The following PTP4A2 variants were observed in gnomAD, a reference collection of about 807,000 sequenced individuals.
The protein encoded by PTP4A2 is protein tyrosine phosphatase type IVA 2.
A neutral mutation model predicts 22.9 loss-of-function variants in PTP4A2; 2 were observed. That is an observed-to-expected ratio of 0.09 (90% confidence interval 0.04 to 0.27). The LOEUF (loss-of-function observed/expected upper bound fraction) is 0.27. Among genes scored for constraint, PTP4A2 ranks in the 10% least tolerant of loss-of-function variants. The pLI is 1.00. For missense variants in PTP4A2, 103 were observed against 205.1 expected, an observed-to-expected ratio of 0.50 and a Z score of 3.04; for synonymous variants, 68 against 69.1, an observed-to-expected ratio of 0.98 and a Z score of 0.08.
chr1:31,922,482 A>C (rs768802182), intron 1 of PTP4A2, among the ~76,000 whole-genome samples: 3 of 150,984 alleles, frequency 2.0e-5, no homozygotes, highest in African/African-American at 7.3e-5. Flanking sequence ...AAACTCTGTC[A>C]AAAAAAAAAT....
chr1:31,916,076 T>G (rs904927645), intron 2 of PTP4A2, 89 bp from the exon 3 acceptor site: 30 of 848,860 alleles, frequency 3.5e-5, no homozygotes, highest in Admixed American at 8.8e-5. Context: ...CCGGGCGGGG[T>G]GGTTCACGCC....
rs543989343 is a variant in PTP4A2 at position 31,911,911 on chromosome 1, C to T, written c.190-85G>A. On this transcript the variant is annotated intron_variant, in intron 3 of 5. Transcript: ENST00000647444. ...ACAGAATACCTGCACACAGTACACA[C>T]GGCAGGCCTAACTGAACTAACTGCA... 1.7e-4 allele frequency: 175 copies of T among 1,023,108 alleles called. No homozygotes were observed. In the South Asian group the frequency reaches 3.0e-3, roughly 17 times the overall value. The allele number at this position is 1,023,108 out of a possible 1,614,324, so 63.4% of individuals were successfully genotyped here. A position where few individuals can be genotyped will look rare whatever the true frequency, so the allele number is the denominator to read the frequency against.
At position 31,908,110 on chromosome 1, in the gene PTP4A2, G is replaced by C. The variant is rs1651274156; in HGVS notation, c.*742C>G. ...ATCAGTAAAGACTAAAAACCACCTG[G>C]AAAATATATATATATATATATATAT... is the stretch of plus-strand genomic sequence containing the variant. On this transcript the variant is annotated 3_prime_UTR_variant, in exon 6 of 6. Coordinates refer to ENST00000647444, the MANE Select transcript of PTP4A2 (RefSeq NM_080391.4). 3.5e-5 allele frequency: 1 copy of C among 28,882 alleles called. No individual in the cohort carries two copies. Among genetic ancestry groups the C allele is most frequent in the Non-Finnish European group, 5.0e-5 (1 of 19,946 alleles). The allele number at this position is 28,882 out of a possible 1,614,324, so 1.8% of individuals were successfully genotyped here.
chr1:31,918,891 T>C, intron 2 of PTP4A2, 79 bp downstream of exon 2: 1 of 841,846 alleles, frequency 1.2e-6, no homozygotes, highest in Non-Finnish European at 2.0e-6. Context: ...ACAGAATAAA[T>C]GGCTTTGTGC....
chr1:31,909,072 G>C, intron 5 of PTP4A2, 112 bp from the exon 6 acceptor site: 1 of 765,460 alleles, frequency 1.3e-6, no homozygotes, highest in Non-Finnish European at 2.2e-6. Flanking sequence ...CTGAAAACCA[G>C]CATATTTCCC....
rs1236547091 is a variant in PTP4A2, at chr1:31,915,616, T to C, written c.189+279A>G. On this transcript the variant is annotated intron_variant, in intron 3 of 5. Transcript: ENST00000647444. ...ATGTGGTGGTGTGGCCACAGCTCAC[T>C]GCAGTCTCAACCACCTGGGCTCAAG... 3 of 217,486 alleles carry C rather than the reference T, an allele frequency of 1.4e-5. No homozygotes were observed. In the East Asian group the frequency reaches 2.7e-4, roughly 20 times the overall value. 13.5% of individuals were successfully genotyped at this position (217,486 alleles called of 1,614,324 possible). A position where few individuals can be genotyped will look rare whatever the true frequency, so the allele number is the denominator to read the frequency against.
intron 3 of PTP4A2, among the ~76,000 whole-genome samples, chr1:31,912,784 T>C (rs1360905599): frequency 6.6e-6 from 1 of 152,136 alleles, no homozygotes; most frequent in African/African-American, 2.4e-5. Context: ...TTTAAGATAT[T>C]AGGGGAGGAA....
At chr1:31,913,378 A>ATTTG (rs554503363) in intron 3 of PTP4A2, among the ~76,000 whole-genome samples, 31 of 152,160 alleles carry the variant, frequency 2.0e-4, no homozygotes, top group Middle Eastern at 3.4e-3. Context: ...CTATTTATTT[A>ATTTG]TTTGTTTGTT....
chr1:31,916,725 T>C (rs1326803497), intron 2 of PTP4A2, among the ~76,000 whole-genome samples: 1 of 152,172 alleles, frequency 6.6e-6, no homozygotes, highest in Admixed American at 6.5e-5. Context: ...CACATCCATA[T>C]AGTGAACACT....
At chr1:31,934,563 A>C (rs79866561) in intron 1 of PTP4A2, among the ~76,000 whole-genome samples, 7,992 of 152,258 alleles carry the variant, frequency 0.052, 713 homozygotes, top group African/African-American at 0.18. Flanking sequence ...ATAAATCCCT[A>C]CTAAATTTCA....
chr1:31,928,652 G>T (rs1448249975), intron 1 of PTP4A2, among the ~76,000 whole-genome samples: 4 of 145,294 alleles, frequency 2.8e-5, no homozygotes, highest in South Asian at 2.2e-4. Flanking sequence ...AGCCAAGATC[G>T]TGCCACTGTA....
intron 1 of PTP4A2, among the ~76,000 whole-genome samples, chr1:31,928,237 T>C (rs532844021): frequency 1.3e-3 from 186 of 147,382 alleles, no homozygotes; most frequent in Non-Finnish European, 2.3e-3. Flanking sequence ...ATATAATATA[T>C]AGCATAATAT....
At chr1:31,924,686 A>G (rs915222519) in intron 1 of PTP4A2, among the ~76,000 whole-genome samples, 14 of 152,230 alleles carry the variant, frequency 9.2e-5, no homozygotes, top group African/African-American at 3.4e-4. Flanking sequence ...TACTTGACAT[A>G]TAACAGTGGT....
At position 31,927,803 on chromosome 1, in the gene PTP4A2, C is replaced by G. The variant is rs548281061; in HGVS notation, c.-593-8145G>C. ...TGGAGTCCAACTTAATATTCAGAGG[C>G]TATTCAGACAATAGATTGTAAAATC... On this transcript the variant is annotated intron_variant, in intron 1 of 5. Coordinates refer to ENST00000647444, the MANE Select transcript of PTP4A2 (RefSeq NM_080391.4). Among the ~76,000 whole-genome samples the G allele has an allele frequency of 3.9e-5, 6 of 152,234 alleles. No homozygotes were observed. The South Asian group carries it at 1.2e-3, about 32-fold the overall frequency.
At chr1:31,926,025 A>C (rs2124233294) in intron 1 of PTP4A2, among the ~76,000 whole-genome samples, 1 of 150,414 alleles carries the variant, frequency 6.6e-6, no homozygotes, top group Admixed American at 6.7e-5. Flanking sequence ...GCTACTCGGG[A>C]GGCTGAGGCA....
Position 31,908,149 on chromosome 1 carries a change from TA to T in PTP4A2, c.*702del, listed in dbSNP as rs1651307445. ...ATATATATATATTATATTATATATATATATATATATATATATATATATATAT... is the reference window on the plus strand; with the variant it reads ...ATATATATATATTATATTATATATATTATATATATATATATATATATATAT... On this transcript the variant is annotated 3_prime_UTR_variant, in exon 6 of 6. Transcript: ENST00000647444. The T allele has an allele frequency of 2.4e-3, 2 of 840 alleles. No homozygotes were observed. Among genetic ancestry groups the T allele is most frequent in the African/African-American group, 6.7e-3 (2 of 300 alleles). The allele number at this position is 840 out of a possible 1,614,324, so 0.1% of individuals were successfully genotyped here. A position where few individuals can be genotyped will look rare whatever the true frequency, so the allele number is the denominator to read the frequency against.
At chr1:31,928,696 CAAAAA>C (rs1162186046) in intron 1 of PTP4A2, among the ~76,000 whole-genome samples, 2 of 57,314 alleles carry the variant, frequency 3.5e-5, no homozygotes. Context: ...AACTCTGTCT[CAAAAA>C]AAAAAAAAAA....
chr1:31,922,474 ACT>A (rs1349493570), intron 1 of PTP4A2, among the ~76,000 whole-genome samples: 1 of 152,134 alleles, frequency 6.6e-6, no homozygotes, highest in African/African-American at 2.4e-5. Flanking sequence ...CAAGAGAGAA[ACT>A]CTGTCAAAAA....
intron 1 of PTP4A2, chr1:31,933,515 G>A (rs900344682): frequency 3.3e-5 from 5 of 151,914 alleles, no homozygotes; most frequent in Admixed American, 6.6e-5. Context: ...GCAACTCAAC[G>A]CCTGAGCTCA....
Sources: allele counts gnomAD v4.1 joint callset (sites outside exome capture counted in the v4.1 genomes callset), GRCh38; gene constraint gnomAD v4.1.1; transcripts MANE v1.5; gene names NCBI Gene and HGNC (gene_info 2026-07-23, HGNC 2026-07-21).